LPAR1: variants seen among roughly 807,000 people sequenced by gnomAD.
LPAR1 encodes LPA receptor 1.
In LPAR1, 5 loss-of-function variants were observed where a neutral mutation model predicts 23.8. The observed-to-expected ratio is 0.21, with a 90% CI of 0.11 to 0.44. LPAR1 has a LOEUF of 0.44. Ranked by LOEUF, LPAR1 falls within the 20% of genes least tolerant of loss-of-function variation. The pLI, the probability that LPAR1 is intolerant of heterozygous loss-of-function variation, is 0.99. For missense variants in LPAR1, 311 were observed against 482.8 expected (o/e 0.64, Z 3.33); for synonymous variants, 160 against 164.7 (o/e 0.97, Z 0.22).
At chr9:110,951,116 T>A (rs1275037286) in intron 4 of LPAR1, among the ~76,000 whole-genome samples, 2 of 152,176 alleles carry the variant, frequency 1.3e-5, no homozygotes, top group African/African-American at 4.8e-5. Context: ...AAATGACGTA[T>A]CTGTTCATTC....
chr9:111,005,151 CAAAAAAAAAAAAA>C (rs71371700), intron 2 of LPAR1, among the ~76,000 whole-genome samples: 4 of 74,292 alleles, frequency 5.4e-5, no homozygotes, highest in African/African-American at 1.1e-4. Flanking sequence ...GACAAAGTCT[CAAAAAAAAAAAAA>C]AAAAAAAAAA....
chr9:110,882,761 C>T (rs977444595), intron 5 of LPAR1, among the ~76,000 whole-genome samples: 13 of 140,388 alleles, frequency 9.3e-5, no homozygotes, highest in Admixed American at 7.7e-4. Context: ...GTTATATCTA[C>T]AATTCTTTTC....
chr9:111,016,552 C>T (rs2097450774), intron 2 of LPAR1, among the ~76,000 whole-genome samples: 1 of 152,190 alleles, frequency 6.6e-6, no homozygotes, highest in African/African-American at 2.4e-5. Context: ...TCCACAAAAT[C>T]CGTGCTCATA....
chr9:110,984,439 T>C (rs2096737923), intron 2 of LPAR1, among the ~76,000 whole-genome samples: 1 of 152,052 alleles, frequency 6.6e-6, no homozygotes, highest in Non-Finnish European at 1.5e-5. Context: ...AATACTCCAT[T>C]GTGTATAAGT....
At chr9:110,995,377 G>C (rs1204328659) in intron 2 of LPAR1, among the ~76,000 whole-genome samples, 2 of 152,118 alleles carry the variant, frequency 1.3e-5, no homozygotes, top group East Asian at 1.9e-4. Flanking sequence ...TTGAGGTGGG[G>C]AGGGGGAAGA....
intron 5 of LPAR1, among the ~76,000 whole-genome samples, chr9:110,883,698 C>CTT (rs2081498566): frequency 6.6e-6 from 1 of 151,906 alleles, no homozygotes; most frequent in Non-Finnish European, 1.5e-5. Flanking sequence ...TTTTTATTCT[C>CTT]TCTTTTGTTA....
chr9:111,006,005 C>T (rs1348567519), intron 2 of LPAR1, among the ~76,000 whole-genome samples: 3 of 152,098 alleles, frequency 2.0e-5, no homozygotes, highest in Non-Finnish European at 4.4e-5. Flanking sequence ...ATAAAGCCAG[C>T]ACTATAATTA....
intron 5 of LPAR1, among the ~76,000 whole-genome samples, chr9:110,892,734 AG>A (rs1564385085): frequency 7.0e-6 from 1 of 143,604 alleles, no homozygotes; most frequent in Non-Finnish European, 1.5e-5. Flanking sequence ...GGAAAGGGAA[AG>A]GGAAGGAAGA....
At chr9:110,952,188 T>C (rs1332053541) in intron 4 of LPAR1, among the ~76,000 whole-genome samples, 2 of 152,132 alleles carry the variant, frequency 1.3e-5, no homozygotes, top group African/African-American at 4.8e-5. Context: ...CCTGCTGTTC[T>C]GGGACTGGCG....
intron 5 of LPAR1, among the ~76,000 whole-genome samples, chr9:110,911,821 T>C (rs887000763): frequency 6.6e-6 from 1 of 152,244 alleles, no homozygotes. Flanking sequence ...ATATTTGCTC[T>C]ATTGCAGTGG....
At chr9:111,016,561 T>C (rs2097451202) in intron 2 of LPAR1, among the ~76,000 whole-genome samples, 2 of 152,214 alleles carry the variant, frequency 1.3e-5, no homozygotes, top group Admixed American at 1.3e-4. Context: ...TCCGTGCTCA[T>C]AGGCTGATCT....
intron 5 of LPAR1, among the ~76,000 whole-genome samples, chr9:110,915,448 CAGA>C (rs2092978503): frequency 1.3e-5 from 2 of 152,026 alleles, no homozygotes. Flanking sequence ...GATGCAGAAG[CAGA>C]AGAAGAATCA....
chr9:110,925,741 A>C (rs2093973115), intron 5 of LPAR1, among the ~76,000 whole-genome samples: 1 of 152,204 alleles, frequency 6.6e-6, no homozygotes, highest in South Asian at 2.1e-4. Flanking sequence ...TGAGAACATT[A>C]CATTCACCGC....
intron 5 of LPAR1, among the ~76,000 whole-genome samples, chr9:110,885,410 G>A (rs990777847): frequency 2.0e-5 from 3 of 152,158 alleles, no homozygotes; most frequent in Non-Finnish European, 2.9e-5. Context: ...CTCTGAGTAG[G>A]CAAAATGCTA....
intron 5 of LPAR1, among the ~76,000 whole-genome samples, chr9:110,899,504 C>T (rs1400735741): frequency 6.6e-6 from 1 of 152,052 alleles, no homozygotes; most frequent in Non-Finnish European, 1.5e-5. Context: ...AAGGCATTTA[C>T]GTAGCTAAAT....
chr9:110,889,904 A>G (rs1433048303), intron 5 of LPAR1, among the ~76,000 whole-genome samples: 1 of 152,270 alleles, frequency 6.6e-6, no homozygotes, highest in African/African-American at 2.4e-5. Context: ...ATAATGAGAA[A>G]GAAATGAACC....
chr9:110,959,903 T>C (rs867739785), intron 4 of LPAR1, among the ~76,000 whole-genome samples: 25 of 152,020 alleles, frequency 1.6e-4, no homozygotes, highest in African/African-American at 5.1e-4. Flanking sequence ...AGACACAGAA[T>C]GACAAATATC....
At chr9:111,029,603 C>A (rs1270324901) in intron 2 of LPAR1, among the ~76,000 whole-genome samples, 1 of 152,158 alleles carries the variant, frequency 6.6e-6, no homozygotes, top group African/African-American at 2.4e-5. Context: ...GACTTACCCT[C>A]TCCATCCTCA....
chr9:111,026,713 T>C (rs2097698607), intron 2 of LPAR1, among the ~76,000 whole-genome samples: 1 of 152,176 alleles, frequency 6.6e-6, no homozygotes, highest in Admixed American at 6.5e-5. Context: ...CAATACCTAG[T>C]TTATTGAGTG....
Sources: allele counts gnomAD v4.1 joint callset (sites outside exome capture counted in the v4.1 genomes callset), GRCh38; gene constraint gnomAD v4.1.1; transcripts MANE v1.5; gene names NCBI Gene and HGNC (gene_info 2026-07-23, HGNC 2026-07-21).